The following CTIF variants were observed in gnomAD, a reference collection of about 807,000 sequenced individuals.
CTIF encodes the protein CBP80/20-dependent translation initiation factor.
CTIF carries 21 observed loss-of-function variants against 66.0 expected under a neutral mutation model. That is an observed-to-expected ratio of 0.32 (90% confidence interval 0.23 to 0.46). The LOEUF is 0.46. Ranked by LOEUF, CTIF falls within the 20% of genes least tolerant of loss-of-function variation. CTIF has a pLI of 1.00. For missense variants in CTIF, 739 were observed against 812.7 expected (o/e 0.91, Z 1.10); for synonymous variants, 345 against 326.4 (o/e 1.06, Z -0.62).
intron 3 of CTIF, among the ~76,000 whole-genome samples, chr18:48,640,842 T>C (rs2090914529): frequency 6.6e-6 from 1 of 152,228 alleles, no homozygotes; most frequent in African/African-American, 2.4e-5. Context: ...TTTTAGCTAA[T>C]GTCAAAAAGA....
At chr18:48,668,002 A>G (rs1262663826) in intron 5 of CTIF, among the ~76,000 whole-genome samples, 1 of 152,248 alleles carries the variant, frequency 6.6e-6, no homozygotes, top group Non-Finnish European at 1.5e-5. Flanking sequence ...ATGGAGGGAC[A>G]GAAATCAGAG....
chr18:48,809,670 T>G (rs886215617), intron 9 of CTIF, among the ~76,000 whole-genome samples: 16 of 152,222 alleles, frequency 1.1e-4, no homozygotes, highest in African/African-American at 3.6e-4. Flanking sequence ...CTATAAAAAT[T>G]GTAAGTTTAG....
intron 1 of CTIF, among the ~76,000 whole-genome samples, chr18:48,570,420 A>G (rs1020483521): frequency 1.3e-5 from 2 of 152,196 alleles, no homozygotes; most frequent in Non-Finnish European, 2.9e-5. Flanking sequence ...ACTGTGCTAT[A>G]TATTGAGGGC....
chr18:48,575,860 G>A (rs1344969481), intron 1 of CTIF, among the ~76,000 whole-genome samples: 1 of 152,282 alleles, frequency 6.6e-6, no homozygotes, highest in African/African-American at 2.4e-5. Flanking sequence ...AAGGTAAACT[G>A]TTGGAGTAAG....
At chr18:48,855,955 G>A (rs143153469) in intron 10 of CTIF, among the ~76,000 whole-genome samples, 3,206 of 152,274 alleles carry the variant, frequency 0.021, 41 homozygotes, top group Non-Finnish European at 0.029. Context: ...GGGAAGGTTC[G>A]TGCAGACGAG....
intron 3 of CTIF, among the ~76,000 whole-genome samples, chr18:48,641,099 A>G (rs73443387): frequency 1.3e-5 from 2 of 152,338 alleles, no homozygotes; most frequent in African/African-American, 4.8e-5. Flanking sequence ...AGGACGTCAG[A>G]CGTTTCCAGC....
At chr18:48,783,850 C>A (rs1388922022) in intron 9 of CTIF, among the ~76,000 whole-genome samples, 1 of 152,200 alleles carries the variant, frequency 6.6e-6, no homozygotes, top group Non-Finnish European at 1.5e-5. Context: ...CCCCAGTCCA[C>A]CGAGCCCCAG....
intron 9 of CTIF, among the ~76,000 whole-genome samples, chr18:48,809,505 A>G (rs1286861529): frequency 6.6e-6 from 1 of 152,178 alleles, no homozygotes; most frequent in Non-Finnish European, 1.5e-5. Flanking sequence ...TATTCACATT[A>G]GCAAGATTAA....
chr18:48,546,315 T>C (rs916218990), intron 1 of CTIF, among the ~76,000 whole-genome samples: 1 of 152,132 alleles, frequency 6.6e-6, no homozygotes, highest in Non-Finnish European at 1.5e-5. Context: ...ATTGTAAGTG[T>C]GTGTTCAGTC....
At chr18:48,750,432 G>A (rs536839857) in intron 7 of CTIF, among the ~76,000 whole-genome samples, 2 of 152,358 alleles carry the variant, frequency 1.3e-5, no homozygotes, top group Non-Finnish European at 2.9e-5. Flanking sequence ...CTGTGCTGCC[G>A]CAAGATGGAG....
chr18:48,840,883 A>ACCCCCC (rs2068925184), intron 10 of CTIF, among the ~76,000 whole-genome samples: 1 of 28,910 alleles, frequency 3.5e-5, no homozygotes, highest in African/African-American at 1.1e-4. Context: ...CCCCACCCCC[A>ACCCCCC]CCCCAGAAGA....
chr18:48,646,757 G>A (rs115122765), intron 3 of CTIF, among the ~76,000 whole-genome samples: 93 of 147,236 alleles, frequency 6.3e-4, no homozygotes, highest in Non-Finnish European at 1.2e-3. Flanking sequence ...AAAAAAAAAA[G>A]AAAATAAAAT....
At chr18:48,806,653 C>A (rs900023277) in intron 9 of CTIF, among the ~76,000 whole-genome samples, 3 of 152,216 alleles carry the variant, frequency 2.0e-5, no homozygotes, top group African/African-American at 7.2e-5. Flanking sequence ...AGCAGCATCT[C>A]CCTGTGGTGG....
At chr18:48,688,799 C>A (rs1391426936) in intron 6 of CTIF, among the ~76,000 whole-genome samples, 1 of 152,248 alleles carries the variant, frequency 6.6e-6, no homozygotes, top group African/African-American at 2.4e-5. Flanking sequence ...TCCTAGAGAT[C>A]AGCATCAAGT....
chr18:48,704,911 C>A (rs761718980), intron 6 of CTIF, among the ~76,000 whole-genome samples: 3 of 152,190 alleles, frequency 2.0e-5, no homozygotes, highest in Non-Finnish European at 4.4e-5. Flanking sequence ...AGGCACAGGC[C>A]CCTCAGGGTG....
intron 6 of CTIF, among the ~76,000 whole-genome samples, chr18:48,706,850 T>G (rs1403220889): frequency 1.3e-5 from 2 of 152,238 alleles, no homozygotes; most frequent in African/African-American, 2.4e-5. Flanking sequence ...CCTCCATCCC[T>G]GGAGAGGCTT....
At chr18:48,850,482 A>G (rs1296376647) in intron 10 of CTIF, among the ~76,000 whole-genome samples, 1 of 152,228 alleles carries the variant, frequency 6.6e-6, no homozygotes, top group Non-Finnish European at 1.5e-5. Flanking sequence ...CCCCAAAATG[A>G]GCTGTCTCTT....
At chr18:48,606,674 T>A (rs2090207568) in intron 1 of CTIF, among the ~76,000 whole-genome samples, 1 of 152,146 alleles carries the variant, frequency 6.6e-6, no homozygotes. Flanking sequence ...TTATGGGGGA[T>A]GTTGGGCAAG....
chr18:48,710,813 A>T (rs967195352), intron 6 of CTIF, among the ~76,000 whole-genome samples: 2 of 152,174 alleles, frequency 1.3e-5, no homozygotes, highest in South Asian at 2.1e-4. Flanking sequence ...CTCTGCAAAA[A>T]ATCAAAAAAC....
Sources: allele counts gnomAD v4.1 joint callset (sites outside exome capture counted in the v4.1 genomes callset), GRCh38; gene constraint gnomAD v4.1.1; transcripts MANE v1.5; gene names NCBI Gene and HGNC (gene_info 2026-07-23, HGNC 2026-07-21).